The following RSPH14 variants were observed in gnomAD, a reference collection of about 807,000 sequenced individuals.
The protein encoded by RSPH14 is rhabdoid tumor deletion region gene 1.
A neutral mutation model predicts 26.7 loss-of-function variants in RSPH14; 20 were observed. That is an observed-to-expected ratio of 0.75 (90% CI 0.53 to 1.09). The LOEUF is 1.09. Ranked by LOEUF, RSPH14 falls within the 50% of genes least tolerant of loss-of-function variation. The pLI, the probability that RSPH14 is intolerant of heterozygous loss-of-function variation, is 0.00. For missense variants in RSPH14, 449 were observed against 457.2 expected (o/e 0.98, Z 0.16); for synonymous variants, 177 against 189.3 (o/e 0.93, Z 0.53).
chr22:23,134,242 A>C, intron 3 of RSPH14, 98 bp from the exon 4 acceptor site: 1 of 858,228 alleles, frequency 1.2e-6, no homozygotes, highest in Non-Finnish European at 1.8e-6. Context: ...GATCCATGCT[A>C]TCTGGGGTAG....
intron 4 of RSPH14, among the ~76,000 whole-genome samples, chr22:23,097,643 G>T (rs371387295): frequency 6.6e-6 from 1 of 152,266 alleles, no homozygotes. Context: ...TGCTCTCCAG[G>T]GTTCTGGCCC....
chr22:23,062,913 G>A (rs2068124062), intron 5 of RSPH14, among the ~76,000 whole-genome samples: 1 of 152,230 alleles, frequency 6.6e-6, no homozygotes, highest in Admixed American at 6.5e-5. Context: ...TTCTCAACTG[G>A]GAGCCAAAGC....
chr22:23,139,797 C>T (rs2070557640), intron 2 of RSPH14, among the ~76,000 whole-genome samples: 1 of 152,056 alleles, frequency 6.6e-6, no homozygotes, highest in Admixed American at 6.6e-5. Flanking sequence ...TGTGATGGCT[C>T]ACACATATAA....
At chr22:23,092,285 G>A (rs919191591) in intron 4 of RSPH14, among the ~76,000 whole-genome samples, 34 of 152,312 alleles carry the variant, frequency 2.2e-4, no homozygotes, top group African/African-American at 8.2e-4. Context: ...AGGTGGGACT[G>A]TCATAAGGTC....
At chr22:23,136,241 A>G (rs1034120320) in intron 3 of RSPH14, 35 of 711,948 alleles carry the variant, frequency 4.9e-5, no homozygotes, top group African/African-American at 2.6e-4. Context: ...TGTCCGTGGG[A>G]TGTCATGCAA....
chr22:23,095,495 G>A (rs1035087778), intron 4 of RSPH14: 35 of 597,780 alleles, frequency 5.9e-5, no homozygotes, highest in Middle Eastern at 4.4e-4. Context: ...GGCGGCCACC[G>A]CCCGCTGCAC....
At chr22:23,147,917 G>T (rs376924206), upstream of RSPH14, among the ~76,000 whole-genome samples, 19 of 152,226 alleles carry the variant, frequency 1.2e-4, no homozygotes, top group East Asian at 3.9e-4. Context: ...GCACACTCCG[G>T]TGTGTGAAAA....
In RSPH14 at chr22:23,111,389, G is replaced by A. The variant is rs12628895; in HGVS notation, c.421+22637C>T. ...GCACTGGACTCGGTTCCGCCTAGTG[G>A]CAAAGAGGCCCAGAAAAGTCTCAAG... On this transcript the variant is annotated intron_variant, in intron 4 of 6. Transcript: ENST00000216036. 2.5e-3 allele frequency among the ~76,000 whole-genome samples: 374 copies of A among 152,332 alleles called. 7 individuals are homozygous for A. In the East Asian group the frequency reaches 0.054, roughly 22 times the overall value.
At chr22:23,093,219 T>A (rs528649040) in intron 4 of RSPH14, among the ~76,000 whole-genome samples, 3 of 152,380 alleles carry the variant, frequency 2.0e-5, no homozygotes, top group East Asian at 3.9e-4. Context: ...TCACTGGGAT[T>A]GGGCTGAGTG....
At chr22:23,153,157 G>A in the RSPH14 span, 1 of 1,582,908 alleles carries the variant, frequency 6.3e-7, no homozygotes, top group Admixed American at 1.7e-5. Flanking sequence ...TTCCCCCATG[G>A]CTCGTGGGCA....
intron 4 of RSPH14, among the ~76,000 whole-genome samples, chr22:23,107,727 G>T (rs1388022278): frequency 1.3e-5 from 2 of 152,186 alleles, no homozygotes; most frequent in Admixed American, 6.5e-5. Flanking sequence ...ACCCCAGGGG[G>T]TTGGCCGCAG....
At chr22:23,112,397 T>G (rs2069681251) in intron 4 of RSPH14, among the ~76,000 whole-genome samples, 1 of 152,092 alleles carries the variant, frequency 6.6e-6, no homozygotes, top group Non-Finnish European at 1.5e-5. Flanking sequence ...AGGGACCTGG[T>G]CAGTGGCAAT....
intron 4 of RSPH14, among the ~76,000 whole-genome samples, chr22:23,093,335 A>G (rs2069040233): frequency 6.6e-6 from 1 of 152,074 alleles, no homozygotes; most frequent in Admixed American, 6.5e-5. Flanking sequence ...CAGCCTCTCC[A>G]TTGATTCCTT....
chr22:23,077,237 C>T (rs999664013), intron 4 of RSPH14, among the ~76,000 whole-genome samples: 3 of 152,184 alleles, frequency 2.0e-5, no homozygotes, highest in African/African-American at 7.2e-5. Context: ...GACACTGATG[C>T]TAACCCCTTA....
At chr22:23,099,346 G>A (rs923884462) in intron 4 of RSPH14, among the ~76,000 whole-genome samples, 10 of 152,232 alleles carry the variant, frequency 6.6e-5, no homozygotes, top group African/African-American at 1.4e-4. Context: ...TCCCACCCTC[G>A]TCCGAAGGAA....
At chr22:23,161,793 A>G in the RSPH14 span, 1 of 544,240 alleles carries the variant, frequency 1.8e-6, no homozygotes, top group South Asian at 2.0e-5. Context: ...GGAGCCCCAC[A>G]CCACCGGGCC....
chr22:23,080,547 G>A (rs2068647508), intron 4 of RSPH14, among the ~76,000 whole-genome samples: 1 of 152,234 alleles, frequency 6.6e-6, no homozygotes, highest in Non-Finnish European at 1.5e-5. Flanking sequence ...GCAAAGAAAG[G>A]AGGACCTGTT....
chr22:23,062,563 A>G (rs969301892), intron 5 of RSPH14, among the ~76,000 whole-genome samples: 5 of 152,226 alleles, frequency 3.3e-5, no homozygotes, highest in African/African-American at 1.2e-4. Context: ...TGTGTCACTT[A>G]GTTTAATCAA....
intron 4 of RSPH14, among the ~76,000 whole-genome samples, chr22:23,077,065 G>A (rs1323134575): frequency 6.6e-6 from 1 of 152,230 alleles, no homozygotes; most frequent in Non-Finnish European, 1.5e-5. Context: ...CTGTGCTGCA[G>A]CCCAGAGGGA....
Sources: gnomAD v4.1 joint callset for allele counts (sites outside exome capture counted in the v4.1 genomes callset) on GRCh38, gnomAD v4.1.1 for gene constraint, MANE v1.5 for transcripts, NCBI Gene and HGNC (gene_info 2026-07-23, HGNC 2026-07-21) for gene names.